The following DLG2 variants were observed in gnomAD, a reference collection of about 807,000 sequenced individuals.
DLG2 encodes the protein discs large MAGUK scaffold protein 2.
Under a neutral mutation model 132.5 loss-of-function variants are expected in DLG2, and 45 were observed. The ratio of observed to expected loss-of-function variants is 0.34; its 90% confidence interval spans 0.27 to 0.44. The LOEUF (loss-of-function observed/expected upper bound fraction) is 0.44. DLG2 is among the 20% of genes least tolerant of loss of function. DLG2 has a pLI of 1.00. For synonymous variants in DLG2, 424 were observed against 419.6 expected (o/e 1.01, Z -0.13); for missense variants, 1,045 against 1,196.9 (o/e 0.87, Z 1.87).
At chr11:84,597,513 A>G (rs1415275158) in intron 6 of DLG2, among the ~76,000 whole-genome samples, 1 of 152,164 alleles carries the variant, frequency 6.6e-6, no homozygotes, top group Non-Finnish European at 1.5e-5. Context: ...TGAAATGATA[A>G]TGAGTAGAGG....
chr11:84,427,253 A>AG (rs892419778), intron 7 of DLG2, among the ~76,000 whole-genome samples: 2 of 152,096 alleles, frequency 1.3e-5, no homozygotes, highest in African/African-American at 4.8e-5. Flanking sequence ...GAAAGAAGAG[A>AG]GGGAGGGAGG....
chr11:84,534,235 AC>A (rs1331308280), intron 7 of DLG2, among the ~76,000 whole-genome samples: 1 of 152,218 alleles, frequency 6.6e-6, no homozygotes, highest in African/African-American at 2.4e-5. Flanking sequence ...ACGAGTACTG[AC>A]AAACAGAGAG....
At chr11:83,653,617 T>C (rs1317316536) in intron 18 of DLG2, among the ~76,000 whole-genome samples, 1 of 152,254 alleles carries the variant, frequency 6.6e-6, no homozygotes, top group African/African-American at 2.4e-5. Flanking sequence ...AGGAAGAATT[T>C]CTTTGGGGCC....
At chr11:85,293,642 A>T (rs1231574180) in intron 3 of DLG2, among the ~76,000 whole-genome samples, 1 of 152,166 alleles carries the variant, frequency 6.6e-6, no homozygotes, top group Non-Finnish European at 1.5e-5. Context: ...AAGCTTATGA[A>T]CTATTGCAGA....
At chr11:84,712,073 G>T (rs999314216) in intron 6 of DLG2, among the ~76,000 whole-genome samples, 19 of 152,122 alleles carry the variant, frequency 1.2e-4, no homozygotes, top group Admixed American at 3.3e-4. Context: ...GAGTCCAGGG[G>T]TAATTTAATT....
chr11:85,403,556 T>G (rs2088409198), intron 3 of DLG2, among the ~76,000 whole-genome samples: 1 of 151,796 alleles, frequency 6.6e-6, no homozygotes, highest in African/African-American at 2.4e-5. Context: ...AAGTCAGGTA[T>G]AGAGGCACAG....
chr11:84,262,545 T>TA (rs1208173028), intron 7 of DLG2, among the ~76,000 whole-genome samples: 1 of 152,158 alleles, frequency 6.6e-6, no homozygotes, highest in Admixed American at 6.5e-5. Flanking sequence ...TTTTTTTTCA[T>TA]AAGTTATTGG....
chr11:84,280,893 T>G (rs2097847643), intron 7 of DLG2, among the ~76,000 whole-genome samples: 1 of 145,492 alleles, frequency 6.9e-6, no homozygotes, highest in African/African-American at 2.6e-5. Flanking sequence ...TTTTTTTTTT[T>G]TGTATTTTTA....
At chr11:85,559,797 G>T (rs1313961804) in intron 3 of DLG2, among the ~76,000 whole-genome samples, 1 of 145,114 alleles carries the variant, frequency 6.9e-6, no homozygotes, top group Admixed American at 7.0e-5. Context: ...CACACAGATA[G>T]ATGGTGATTA....
At chr11:85,574,512 T>C (rs185120602) in intron 3 of DLG2, among the ~76,000 whole-genome samples, 118 of 152,116 alleles carry the variant, frequency 7.8e-4, no homozygotes, top group African/African-American at 2.6e-3. Context: ...TTAGCTCAGA[T>C]ATAGTTTGGA....
intron 3 of DLG2, among the ~76,000 whole-genome samples, chr11:85,535,619 T>C (rs2075529477): frequency 6.6e-6 from 1 of 152,136 alleles, no homozygotes; most frequent in Non-Finnish European, 1.5e-5. Flanking sequence ...AAACCAGCAA[T>C]TCTACTCCTA....
At chr11:84,152,224 A>T (rs1482380645) in intron 9 of DLG2, among the ~76,000 whole-genome samples, 4 of 152,264 alleles carry the variant, frequency 2.6e-5, no homozygotes, top group African/African-American at 9.6e-5. Flanking sequence ...TGGGTGCTCC[A>T]ATGTTTGGTA....
At chr11:83,504,348 T>C (rs1394438768) in intron 21 of DLG2, among the ~76,000 whole-genome samples, 1 of 152,170 alleles carries the variant, frequency 6.6e-6, no homozygotes, top group Non-Finnish European at 1.5e-5. Flanking sequence ...GTTATTGTAG[T>C]TTCCCACTGA....
intron 3 of DLG2, among the ~76,000 whole-genome samples, chr11:85,419,012 A>G (rs1327580002): frequency 6.6e-6 from 1 of 152,164 alleles, no homozygotes; most frequent in Non-Finnish European, 1.5e-5. Context: ...AGTTTTTCAT[A>G]GTGTCGATGG....
chr11:83,558,848 C>CGTGTGTGAGTGTGTGTGTGTGTGTGT (rs2096563482), intron 19 of DLG2, among the ~76,000 whole-genome samples: 1 of 142,250 alleles, frequency 7.0e-6, no homozygotes, highest in Admixed American at 7.1e-5. Flanking sequence ...TGCTAGATGT[C>CGTGTGTGAGTGTGTGTGTGTGTGTGT]GTGTGTGTGT....
chr11:83,766,260 A>AT (rs1482802313), intron 18 of DLG2, among the ~76,000 whole-genome samples: 2 of 151,758 alleles, frequency 1.3e-5, no homozygotes, highest in Admixed American at 6.6e-5. Flanking sequence ...CACCTGGCTA[A>AT]TTTTTTGTAT....
intron 3 of DLG2, among the ~76,000 whole-genome samples, chr11:85,319,530 T>C (rs904526664): frequency 2.6e-5 from 4 of 151,838 alleles, no homozygotes; most frequent in African/African-American, 9.7e-5. Flanking sequence ...ATCCTCTATA[T>C]CTTGAAGAAA....
intron 12 of DLG2, among the ~76,000 whole-genome samples, chr11:83,970,392 T>C (rs2091101130): frequency 6.6e-6 from 1 of 152,022 alleles, no homozygotes; most frequent in Admixed American, 6.6e-5. Context: ...TGGTGAGAAA[T>C]GGGGAAAGAG....
intron 7 of DLG2, among the ~76,000 whole-genome samples, chr11:84,333,331 T>A (rs1038694452): frequency 6.6e-6 from 1 of 152,246 alleles, no homozygotes; most frequent in Non-Finnish European, 1.5e-5. Context: ...TTGCTTTAAA[T>A]TAGGTTCTGA....
Sources: allele counts gnomAD v4.1 joint callset (sites outside exome capture counted in the v4.1 genomes callset), GRCh38; gene constraint gnomAD v4.1.1; transcripts MANE v1.5; gene names NCBI Gene and HGNC (gene_info 2026-07-23, HGNC 2026-07-21).